The following POTEI variants were observed in gnomAD, a reference collection of about 807,000 sequenced individuals.
POTEI encodes POTE ankyrin domain family member I, also known as POTE ankyrin domain family, member I.
A neutral mutation model predicts 43.4 loss-of-function variants in POTEI; 14 were observed. The ratio of observed to expected loss-of-function variants is 0.32; its 90% CI spans 0.21 to 0.50. The LOEUF is 0.50. POTEI is among the 20% of genes least tolerant of loss of function. The pLI, the probability that POTEI is intolerant of heterozygous loss-of-function variation, is 0.98. For missense variants in POTEI, 235 were observed against 795.4 expected (o/e 0.30, Z 8.47); for synonymous variants, 95 against 297.9 (o/e 0.32, Z 7.01).
intron 10 of POTEI, among the ~76,000 whole-genome samples, chr2:130,480,518 T>A (rs1001199789): frequency 1.6e-4 from 23 of 147,170 alleles, no homozygotes; most frequent in Admixed American, 1.2e-3. Context: ...AAACACACAA[T>A]CTCACTCCAT....
chr2:130,468,865 CCAG>C (rs1416184482), intron 13 of POTEI, among the ~76,000 whole-genome samples: 2 of 152,010 alleles, frequency 1.3e-5, no homozygotes, highest in African/African-American at 4.8e-5. Context: ...GCTAGATTTG[CCAG>C]CAGAAAATTG....
intron 10 of POTEI, among the ~76,000 whole-genome samples, chr2:130,479,152 AT>A (rs1683306771): frequency 7.2e-6 from 1 of 139,568 alleles, no homozygotes; most frequent in East Asian, 2.2e-4. Flanking sequence ...ACTAAATCAT[AT>A]TGACTATACC....
rs1209616141 is a variant in POTEI, at chr2:130,461,214, C to T, written c.*1602G>A. The T allele has an allele frequency of 1.3e-5, 2 of 151,548 alleles. No homozygotes were observed. Among genetic ancestry groups the T allele is most frequent in the South Asian group, 2.1e-4 (1 of 4,806 alleles). 9.4% of individuals were successfully genotyped at this position (151,548 alleles called of 1,614,324 possible). A position where few individuals can be genotyped will look rare whatever the true frequency, so the allele number is the denominator to read the frequency against. On this transcript the variant is annotated 3_prime_UTR_variant, in exon 15 of 15. Coordinates refer to ENST00000451531, the MANE Select transcript of POTEI (RefSeq NM_001277406.2). ...GTCTGGCCACGTTTTTATAGAGCAG[C>T]TGTGCTGTGCTGGGGGTTCACTTCA...
chr2:130,508,917 G>A lies in POTEI; in HGVS notation c.319C>T (p.Pro107Ser), dbSNP rs1278813299. 9 of 1,595,390 alleles carry A rather than the reference G, an allele frequency of 5.6e-6. 1 individual carries two copies. Among genetic ancestry groups the A allele is most frequent in the Non-Finnish European group, 7.7e-6 (9 of 1,173,794 alleles). ...CTCTTGCCGCTCCCCCTGCAGCAGGGGAAGCAGTGGCAGCACCACTTGCCC... is the reference window on the plus strand; with the variant it reads ...CTCTTGCCGCTCCCCCTGCAGCAGGAGAAGCAGTGGCAGCACCACTTGCCC... The part of the protein sequence containing the change: ...KMGKWCCHCF[P>S]CCRGSGKSNV... Residue 107 changes from proline to serine, a missense_variant, in exon 1 of 15, where the codon CCC (proline) becomes TCC (serine). Physicochemically the swap from Pro to Ser is moderately conservative, Grantham distance 74. Coordinates refer to ENST00000451531, the MANE Select transcript of POTEI (RefSeq NM_001277406.2).
chr2:130,507,189 A>G (rs1255789405), intron 1 of POTEI, among the ~76,000 whole-genome samples: 2 of 87,724 alleles, frequency 2.3e-5, no homozygotes, highest in African/African-American at 7.9e-5. Flanking sequence ...GCTTGAACCT[A>G]GGAGGCAGAG....
intron 9 of POTEI, among the ~76,000 whole-genome samples, chr2:130,484,406 G>T (rs1683515927): frequency 1.2e-5 from 1 of 80,764 alleles, no homozygotes; most frequent in Non-Finnish European, 2.4e-5. Flanking sequence ...TGATGTGTCT[G>T]GGTAGTACAC....
chr2:130,488,595 T>C (rs2105098633), intron 8 of POTEI, among the ~76,000 whole-genome samples: 1 of 128,092 alleles, frequency 7.8e-6, no homozygotes, highest in South Asian at 3.0e-4. Flanking sequence ...ACCACCTAGA[T>C]TTTACATTAA....
chr2:130,468,704 G>GTT (rs780514042), intron 13 of POTEI, among the ~76,000 whole-genome samples: 27 of 76,184 alleles, frequency 3.5e-4, no homozygotes, highest in South Asian at 1.3e-3. Context: ...CCAAACTATT[G>GTT]GGGGGGGGGG....
rs2438690 is a variant in POTEI at position 130,495,422 on chromosome 2, C to A, written c.1126+1130G>T. 5.3e-3 allele frequency among the ~76,000 whole-genome samples: 239 copies of A among 44,866 alleles called. 82 individuals carry two copies. Among genetic ancestry groups the A allele is most frequent in the African/African-American group, 0.011 (220 of 19,446 alleles). 29.4% of individuals were successfully genotyped at this position (44,866 alleles called of 152,430 possible). On this transcript the variant is annotated intron_variant, in intron 6 of 14. Transcript: ENST00000451531. ...AGTGGACAAGTGAAAACATAAATAGCAATGTTTTCTTTGTAAATTCTGTTG... is the reference window on the plus strand; with the variant it reads ...AGTGGACAAGTGAAAACATAAATAGAAATGTTTTCTTTGTAAATTCTGTTG...
At chr2:130,468,497 AGGCGGC>A (rs1359657436) in intron 13 of POTEI, among the ~76,000 whole-genome samples, 1 of 151,942 alleles carries the variant, frequency 6.6e-6, no homozygotes, top group African/African-American at 2.4e-5. Flanking sequence ...CTTCTTCATA[AGGCGGC>A]GGGAGAGAGA....
At chr2:130,477,197 C>A (rs563565980) in intron 10 of POTEI, among the ~76,000 whole-genome samples, 334 of 149,264 alleles carry the variant, frequency 2.2e-3, no homozygotes, top group African/African-American at 7.5e-3. Context: ...TCCTCTGTCA[C>A]CAGGCTGGAA....
At chr2:130,496,413 A>G (rs1683905553) in intron 6 of POTEI, 139 bp downstream of exon 6, 6 of 496,624 alleles carry the variant, frequency 1.2e-5, no homozygotes, top group Non-Finnish European at 2.1e-5. Flanking sequence ...AGCACAATAA[A>G]TGTAACATGA....
rs1312567589 is a variant in POTEI at position 130,460,368 on chromosome 2, T to C, written c.*2448A>G. 1 of 152,022 alleles carries C rather than the reference T, an allele frequency of 6.6e-6. No individual in the cohort carries two copies. Among genetic ancestry groups the C allele is most frequent in the East Asian group, 1.9e-4 (1 of 5,174 alleles). The allele number at this position is 152,022 out of a possible 1,614,324, so 9.4% of individuals were successfully genotyped here. A position where few individuals can be genotyped will look rare whatever the true frequency, so the allele number is the denominator to read the frequency against. ...GACTTCTTTTATTAAGCAAGTCTCC[T>C]TTTTTTAAAAAGGGAACTCTCGGAC... is the stretch of plus-strand genomic sequence containing the variant. On this transcript the variant is annotated 3_prime_UTR_variant, in exon 15 of 15. Transcript: ENST00000451531.
At chr2:130,482,647 C>T (rs1253190226) in intron 9 of POTEI, among the ~76,000 whole-genome samples, 1 of 150,040 alleles carries the variant, frequency 6.7e-6, no homozygotes, top group African/African-American at 2.5e-5. Context: ...TTATTAAGTC[C>T]TAATTTTGCT....
intron 1 of POTEI, among the ~76,000 whole-genome samples, chr2:130,507,070 C>T (rs2105130137): frequency 6.8e-6 from 1 of 146,174 alleles, no homozygotes; most frequent in African/African-American, 2.5e-5. Flanking sequence ...CAAGACCTGC[C>T]TGGCCAAGAT....
chr2:130,505,010 A>T, intron 1 of POTEI, among the ~76,000 whole-genome samples: 1 of 141,784 alleles, frequency 7.1e-6, no homozygotes, highest in Non-Finnish European at 1.5e-5. Flanking sequence ...TTATTTCATT[A>T]CCCAGGTGTT....
chr2:130,461,587 C>T lies in POTEI; in HGVS notation c.*1229G>A, dbSNP rs1417024937. On this transcript the variant is annotated 3_prime_UTR_variant, in exon 15 of 15. Coordinates refer to ENST00000451531, the MANE Select transcript of POTEI (RefSeq NM_001277406.2). The stretch of plus-strand genomic sequence containing the variant: ...CCGAAAGAGCAAAGGTGGGGGCCTG[C>T]CCCTCTCCGGGAGCTCTGTCCCAGG... 6.6e-6 allele frequency: 1 copy of T among 152,266 alleles called. No individual in the cohort carries two copies. 9.4% of individuals were successfully genotyped at this position (152,266 alleles called of 1,614,324 possible). A position where few individuals can be genotyped will look rare whatever the true frequency, so the allele number is the denominator to read the frequency against.
intron 13 of POTEI, among the ~76,000 whole-genome samples, chr2:130,468,466 A>C (rs1422086836): frequency 1.3e-5 from 2 of 152,172 alleles, no homozygotes; most frequent in African/African-American, 2.4e-5. Context: ...CCATGGTAGA[A>C]GGGGAAGGGG....
chr2:130,468,893 T>G (rs527553304), intron 13 of POTEI, among the ~76,000 whole-genome samples: 1 of 152,194 alleles, frequency 6.6e-6, no homozygotes, highest in South Asian at 2.1e-4. Context: ...AACTTTTTAA[T>G]GAGATAAAAA....
Sources: allele counts gnomAD v4.1 joint callset (sites outside exome capture counted in the v4.1 genomes callset), GRCh38; gene constraint gnomAD v4.1.1; transcripts MANE v1.5; gene names NCBI Gene and HGNC (gene_info 2026-07-23, HGNC 2026-07-21).